Variants in PIAS1 observed in about 807,000 individuals in gnomAD.
PIAS1 encodes protein inhibitor of activated STAT 1.
Under a neutral mutation model 71.3 loss-of-function variants are expected in PIAS1, and 6 were observed. The observed-to-expected ratio is 0.08, with a 90% confidence interval of 0.05 to 0.17. The LOEUF (loss-of-function observed/expected upper bound fraction) is 0.17. Among genes scored for constraint, PIAS1 ranks in the 10% least tolerant of loss-of-function variants. PIAS1 has a pLI of 1.00. For missense variants in PIAS1, 555 were observed against 793.6 expected (o/e 0.70, Z 3.61); for synonymous variants, 303 against 292.9 (o/e 1.03, Z -0.35).
At chr15:68,154,606 T>G (rs1336184951) in intron 7 of PIAS1, among the ~76,000 whole-genome samples, 1 of 152,232 alleles carries the variant, frequency 6.6e-6, no homozygotes, top group Non-Finnish European at 1.5e-5. Flanking sequence ...TGTAACTTAT[T>G]TCTGTGGCAG....
intron 7 of PIAS1, among the ~76,000 whole-genome samples, chr15:68,159,137 A>G (rs2092909026): frequency 6.6e-6 from 1 of 152,192 alleles, no homozygotes; most frequent in Admixed American, 6.5e-5. Context: ...TTAGCACTGC[A>G]GATCACTGTA....
At chr15:68,071,384 T>G (rs1450815612) in intron 1 of PIAS1, among the ~76,000 whole-genome samples, 1 of 150,714 alleles carries the variant, frequency 6.6e-6, no homozygotes, top group African/African-American at 2.4e-5. Flanking sequence ...CCTGGCTAAT[T>G]TTTTGTATTT....
chr15:68,095,888 A>G (rs1406496781), intron 2 of PIAS1, among the ~76,000 whole-genome samples: 1 of 152,186 alleles, frequency 6.6e-6, no homozygotes, highest in Non-Finnish European at 1.5e-5. Flanking sequence ...CTCTGGGCAG[A>G]GATTAGTTAT....
At chr15:68,151,320 G>A (rs2092842273) in intron 6 of PIAS1, among the ~76,000 whole-genome samples, 1 of 151,966 alleles carries the variant, frequency 6.6e-6, no homozygotes, top group Admixed American at 6.6e-5. Context: ...TTCAACTAGA[G>A]TGAGCATACC....
At chr15:68,124,438 A>G (rs2092635901) in intron 2 of PIAS1, among the ~76,000 whole-genome samples, 1 of 151,126 alleles carries the variant, frequency 6.6e-6, no homozygotes, top group South Asian at 2.1e-4. Flanking sequence ...TTATAAATGA[A>G]CAGCCAGGTG....
intron 12 of PIAS1, among the ~76,000 whole-genome samples, chr15:68,182,033 A>G (rs2093056342): frequency 6.6e-6 from 1 of 152,162 alleles, no homozygotes; most frequent in African/African-American, 2.4e-5. Flanking sequence ...GTGGGTAACT[A>G]TGTTGTATTA....
Position 68,190,633 on chromosome 15 carries a change from G to A in PIAS1, c.*2798G>A, listed in dbSNP as rs990349179. The A allele has an allele frequency of 8.1e-5, 4 of 49,554 alleles. No homozygotes were observed. Among genetic ancestry groups the A allele is most frequent in the African/African-American group, 3.1e-4 (4 of 12,846 alleles). 3.1% of individuals were successfully genotyped at this position (49,554 alleles called of 1,614,324 possible). ...GTATGCATATGTTTGTTTCTGTACA[G>A]TACTGTGTGTGTGTGTGTGTATATA... On this transcript the variant is annotated 3_prime_UTR_variant, in exon 14 of 14. Coordinates refer to ENST00000249636, the MANE Select transcript of PIAS1 (RefSeq NM_016166.3). This position sits in a 1 kb window ranked among gnomAD's most constrained non-coding sequence, Gnocchi z 4.7.
chr15:68,152,094 C>T (rs2092851353), intron 6 of PIAS1, among the ~76,000 whole-genome samples: 1 of 151,060 alleles, frequency 6.6e-6, no homozygotes. Flanking sequence ...GGACTACAGG[C>T]ACGTGCTACC....
intron 7 of PIAS1, among the ~76,000 whole-genome samples, chr15:68,157,210 A>T (rs1241880382): frequency 6.6e-6 from 1 of 152,136 alleles, no homozygotes; most frequent in Non-Finnish European, 1.5e-5. Context: ...ATGGGATGAG[A>T]CATCCAGGTA....
At chr15:68,159,329 C>T (rs75778453) in intron 7 of PIAS1, among the ~76,000 whole-genome samples, 3,480 of 152,004 alleles carry the variant, frequency 0.023, 132 homozygotes, top group African/African-American at 0.079. Flanking sequence ...TGCTTTTCCC[C>T]TCCGTTTTCT....
rs956414715 is a variant in PIAS1, at chr15:68,167,486, C to T, written c.1008+2682C>T. On this transcript the variant is annotated intron_variant, in intron 8 of 13. Transcript: ENST00000249636. The surrounding 1 kb of genome is among the most constrained non-coding windows in gnomAD (Gnocchi z 4.4). ...AAATGAGTTTCTTTTGTTTCTGTGC[C>T]ATTTAGCTAAAGGCAACAAAAATAA... is the stretch of plus-strand genomic sequence containing the variant. Among the ~76,000 whole-genome samples, 2 of 151,960 alleles carry T rather than the reference C, an allele frequency of 1.3e-5. No individual in the cohort carries two copies. Among genetic ancestry groups the T allele is most frequent in the African/African-American group, 4.8e-5 (2 of 41,380 alleles).
intron 7 of PIAS1, 92 bp downstream of exon 7, chr15:68,153,787 A>G (rs755218540): frequency 1.2e-5 from 8 of 681,658 alleles, no homozygotes; most frequent in African/African-American, 3.6e-5. Context: ...GAATTTGTTT[A>G]TTCACTGGAG....
chr15:68,055,088 G>C (rs2091881565), intron 1 of PIAS1: 1 of 428,912 alleles, frequency 2.3e-6, no homozygotes, highest in Non-Finnish European at 3.1e-6. Flanking sequence ...AAACCCCCTC[G>C]AAGAGTGTGT....
intron 2 of PIAS1, among the ~76,000 whole-genome samples, chr15:68,098,808 C>T (rs1052399764): frequency 2.0e-5 from 3 of 152,124 alleles, no homozygotes; most frequent in Non-Finnish European, 4.4e-5. Context: ...TGGGTAGTTT[C>T]TTGCTGTTGA....
At chr15:68,137,568 A>G (rs2092742316) in intron 2 of PIAS1, among the ~76,000 whole-genome samples, 1 of 152,160 alleles carries the variant, frequency 6.6e-6, no homozygotes, top group Non-Finnish European at 1.5e-5. Flanking sequence ...AAGAGAGCTA[A>G]TAAACCTATG....
intron 11 of PIAS1, 87 bp from the exon 12 acceptor site, chr15:68,181,125 G>T (rs1012381494): frequency 8.9e-7 from 1 of 1,117,426 alleles, no homozygotes; most frequent in African/African-American, 1.5e-5. Context: ...TAAACCGAGG[G>T]TTCATTGTGA....
chr15:68,143,988 A>AT (rs1313347639), intron 4 of PIAS1, among the ~76,000 whole-genome samples: 1 of 152,122 alleles, frequency 6.6e-6, no homozygotes, highest in Non-Finnish European at 1.5e-5. Flanking sequence ...ATATACATAC[A>AT]TTCTTTAAAG....
chr15:68,054,452 C>G lies in PIAS1; in HGVS notation c.24+102C>G. ...ACCCTGGGGGGCCTCTCGGGCCTGA[C>G]TCCACCCGGGCCTGGAGTTGTAGGG... On this transcript the variant is annotated intron_variant, in intron 1 of 13. Coordinates refer to ENST00000249636, the MANE Select transcript of PIAS1 (RefSeq NM_016166.3). This position sits in a 1 kb window ranked among gnomAD's most constrained non-coding sequence, Gnocchi z 4.6. 1 of 1,271,084 alleles carries G rather than the reference C, an allele frequency of 7.9e-7. No homozygotes were observed. Among genetic ancestry groups the G allele is most frequent in the Non-Finnish European group, 1.1e-6 (1 of 900,506 alleles). 78.7% of individuals were successfully genotyped at this position (1,271,084 alleles called of 1,614,324 possible).
At chr15:68,180,989 T>C (rs571852172) in intron 11 of PIAS1, among the ~76,000 whole-genome samples, 9 of 152,224 alleles carry the variant, frequency 5.9e-5, no homozygotes, top group Non-Finnish European at 1.2e-4. Context: ...TTGGATACCA[T>C]TGCATCTGTC....
Sources: gnomAD v4.1 joint callset for allele counts (sites outside exome capture counted in the v4.1 genomes callset) on GRCh38, gnomAD v4.1.1 for gene constraint, Gnocchi (gnomAD v3.1) non-coding constraint, MANE v1.5 for transcripts, NCBI Gene and HGNC (gene_info 2026-07-23, HGNC 2026-07-21) for gene names.